IGDCC4: variants seen among roughly 807,000 people sequenced by gnomAD.
The protein encoded by IGDCC4 is immunoglobulin superfamily DCC subclass member 4.
IGDCC4 carries 72 observed loss-of-function variants against 116.6 expected under a neutral mutation model. The ratio of observed to expected loss-of-function variants is 0.62; its 90% CI spans 0.51 to 0.75. IGDCC4 has a LOEUF of 0.75. IGDCC4 is among the 30% of genes least tolerant of loss of function. The pLI, the probability that IGDCC4 is intolerant of heterozygous loss-of-function variation, is 0.00. For synonymous variants in IGDCC4, 709 were observed against 719.9 expected (o/e 0.98, Z 0.24); for missense variants, 1,501 against 1,662.4 (o/e 0.90, Z 1.69).
rs770314008 is a variant in IGDCC4 at position 65,392,092 on chromosome 15, G to A, written c.2122+42C>T. 4.0e-5 allele frequency: 60 copies of A among 1,515,796 alleles called. No homozygotes were observed. The South Asian group carries it at 6.5e-4, about 16-fold the overall frequency. The allele number at this position is 1,515,796 out of a possible 1,614,324, so 93.9% of individuals were successfully genotyped here. A position where few individuals can be genotyped will look rare whatever the true frequency, so the allele number is the denominator to read the frequency against. On this transcript the variant is annotated intron_variant, in intron 11 of 19. Coordinates refer to ENST00000352385, the MANE Select transcript of IGDCC4 (RefSeq NM_020962.3). ...TCACACAACTTGCCCAGTCCCCACT[G>A]AAGCTACATCCCTCCCTCCCCCTCC...
At chr15:65,413,553 T>C (rs1355734427) in intron 1 of IGDCC4, among the ~76,000 whole-genome samples, 4 of 152,236 alleles carry the variant, frequency 2.6e-5, no homozygotes, top group Non-Finnish European at 4.4e-5. Flanking sequence ...ACCAATGTTC[T>C]GCAGGGCCCA....
chr15:65,386,713 T>A, intron 16 of IGDCC4, 57 bp from the exon 17 acceptor site: 2 of 1,363,638 alleles, frequency 1.5e-6, no homozygotes, highest in Admixed American at 3.9e-5. Flanking sequence ...GCACAGGGCA[T>A]AGATCAGGAC....
intron 1 of IGDCC4, among the ~76,000 whole-genome samples, chr15:65,418,089 T>A (rs751747000): frequency 7.9e-5 from 12 of 152,206 alleles, no homozygotes; most frequent in Non-Finnish European, 1.5e-4. Context: ...CCCCCTATGC[T>A]TTTCCAAGCA....
chr15:65,396,771 C>G (rs955391406), intron 6 of IGDCC4, 63 bp downstream of exon 6: 1 of 1,531,190 alleles, frequency 6.5e-7, no homozygotes, highest in Non-Finnish European at 8.8e-7. Flanking sequence ...CCGTCCACCT[C>G]CCCCTGCTCT....
chr15:65,412,194 G>A (rs2063101170), intron 1 of IGDCC4, among the ~76,000 whole-genome samples: 1 of 152,142 alleles, frequency 6.6e-6, no homozygotes, highest in Non-Finnish European at 1.5e-5. Flanking sequence ...ACTCCAGCCT[G>A]GCTGGCAGAA....
intron 16 of IGDCC4, among the ~76,000 whole-genome samples, chr15:65,387,981 C>T (rs924780631): frequency 6.6e-6 from 1 of 152,020 alleles, no homozygotes; most frequent in African/African-American, 2.4e-5. Context: ...CATGGTGGCT[C>T]ACGCCTGTAA....
Position 65,384,072 on chromosome 15 carries a change from T to C in IGDCC4, c.3690A>G (p.Lys1230=). Residue 1230 remains lysine (K), a synonymous_variant, in exon 20 of 20, where the codon AAA becomes AAG. Transcript: ENST00000352385. This position sits in a 1 kb window ranked among gnomAD's most constrained non-coding sequence, Gnocchi z 4.9. ...EETPGDSCQL[K]SPCPLGASPG... The stretch of plus-strand genomic sequence containing the variant: ...GGCTGGCTCCTAGAGGGCAGGGGGA[T>C]TTGAGCTGGCAGCTATCTCCAGGGG... 1 of 1,613,400 alleles carries C rather than the reference T, an allele frequency of 6.2e-7. No individual in the cohort carries two copies. The highest frequency in any genetic ancestry group is 2.2e-5 in the East Asian group (1 of 44,864).
intron 1 of IGDCC4, among the ~76,000 whole-genome samples, chr15:65,413,429 A>G (rs1231382278): frequency 6.6e-6 from 1 of 152,196 alleles, no homozygotes. Context: ...AGAGGAACCT[A>G]CAGACCCCAA....
intron 3 of IGDCC4, among the ~76,000 whole-genome samples, chr15:65,403,944 G>T (rs2063016389): frequency 6.6e-6 from 1 of 152,120 alleles, no homozygotes. Flanking sequence ...TCCTCCAACT[G>T]GGATCCCTAC....
At chr15:65,391,842 C>A in intron 12 of IGDCC4, 38 bp downstream of exon 12, 2 of 1,575,060 alleles carry the variant, frequency 1.3e-6, no homozygotes, top group African/African-American at 1.3e-5. Context: ...AGAGCCCTCA[C>A]CTGAGCCCTC....
intron 1 of IGDCC4, among the ~76,000 whole-genome samples, chr15:65,418,475 A>T (rs912123082): frequency 6.6e-6 from 1 of 152,178 alleles, no homozygotes. Context: ...CCTGAAGGAC[A>T]GCTTATTGGT....
chr15:65,410,864 T>C (rs2063084474), intron 2 of IGDCC4, 156 bp downstream of exon 2: 2 of 612,994 alleles, frequency 3.3e-6, no homozygotes, highest in East Asian at 5.6e-5. Context: ...GGATAGACAA[T>C]ACCAGGAAGA....
intron 2 of IGDCC4, 53 bp downstream of exon 2, chr15:65,410,967 A>G (rs2063085578): frequency 3.4e-6 from 5 of 1,457,894 alleles, no homozygotes; most frequent in East Asian, 2.3e-5. Flanking sequence ...CCCACTTCGC[A>G]CACCCCAAGT....
At chr15:65,412,531 A>AG in intron 1 of IGDCC4, among the ~76,000 whole-genome samples, 1 of 149,944 alleles carries the variant, frequency 6.7e-6, no homozygotes, top group East Asian at 1.9e-4. Flanking sequence ...AAAAAAAAAA[A>AG]AAAAAAAGCA....
chr15:65,415,096 A>G (rs746097915), intron 1 of IGDCC4, among the ~76,000 whole-genome samples: 8 of 152,200 alleles, frequency 5.3e-5, no homozygotes, highest in Non-Finnish European at 8.8e-5. Context: ...CCTAGATGCC[A>G]TGATTCAAGT....
At chr15:65,411,713 G>A (rs150219630) in intron 1 of IGDCC4, among the ~76,000 whole-genome samples, 1 of 152,232 alleles carries the variant, frequency 6.6e-6, no homozygotes, top group Non-Finnish European at 1.5e-5. Flanking sequence ...TTGACGCTAA[G>A]TGAAGGAAGC....
chr15:65,418,623 T>TAC (rs1482945674), intron 1 of IGDCC4, among the ~76,000 whole-genome samples: 1 of 152,052 alleles, frequency 6.6e-6, no homozygotes. Flanking sequence ...CATGTCAGGC[T>TAC]CCAAAACATA....
chr15:65,407,533 G>A (rs891262211), intron 3 of IGDCC4, among the ~76,000 whole-genome samples: 2 of 151,890 alleles, frequency 1.3e-5, no homozygotes, highest in African/African-American at 4.8e-5. Context: ...GGTACAGACG[G>A]GGTTTCACCA....
At position 65,383,751 on chromosome 15, in the gene IGDCC4, G is replaced by A. The variant is rs1201890260; in HGVS notation, c.*258C>T. ...GGTTTCCCAGCTCAACAACCAGTAC[G>A]CATACATGCACTTCACACATGTGCA... On this transcript the variant is annotated 3_prime_UTR_variant, in exon 20 of 20. Coordinates refer to ENST00000352385, the MANE Select transcript of IGDCC4 (RefSeq NM_020962.3). 2 of 389,528 alleles carry A rather than the reference G, an allele frequency of 5.1e-6. No individual in the cohort carries two copies. The highest frequency in any genetic ancestry group is 9.1e-6 in the Non-Finnish European group (2 of 218,780). 24.1% of individuals were successfully genotyped at this position (389,528 alleles called of 1,614,324 possible).
Sources: allele counts gnomAD v4.1 joint callset (sites outside exome capture counted in the v4.1 genomes callset), GRCh38; gene constraint gnomAD v4.1.1; non-coding constraint Gnocchi (gnomAD v3.1); transcripts MANE v1.5; gene names NCBI Gene and HGNC (gene_info 2026-07-23, HGNC 2026-07-21).